Variants in MOG observed in about 807,000 individuals in gnomAD.
The protein encoded by MOG is myelin-oligodendrocyte glycoprotein.
A neutral mutation model predicts 35.9 loss-of-function variants in MOG; 20 were observed. That is an observed-to-expected ratio of 0.56 (90% CI 0.39 to 0.81). The LOEUF is 0.81. Among genes scored for constraint, MOG ranks in the 30% least tolerant of loss-of-function variants. The pLI is 0.00. For synonymous variants in MOG, 92 were observed against 114.3 expected, an observed-to-expected ratio of 0.80 and a Z score of 1.25; for missense variants, 251 against 301.0, an observed-to-expected ratio of 0.83 and a Z score of 1.23.
chr6:29,659,328 G>C lies in MOG; in HGVS notation c.98G>C (p.Arg33Thr). ...TTGGTGTCTTGGACAGGGCAGTTCA[G>C]AGTGATAGGACCAAGACACCCTATC... ...QVSSSYAGQFRVIGPRHPIRA... is the reference protein window; with the variant it reads ...QVSSSYAGQFTVIGPRHPIRA... Residue 33 changes from arginine (R) to threonine (T), a missense_variant, in exon 2 of 8, where the codon AGA becomes ACA. Arg to Thr is a moderately conservative substitution (Grantham distance 71, BLOSUM62 -1). Coordinates refer to ENST00000376917, the MANE Select transcript of MOG (RefSeq NM_206809.4). 1 of 1,612,954 alleles carries C rather than the reference G, an allele frequency of 6.2e-7. No individual in the cohort carries two copies. The highest frequency in any genetic ancestry group is 8.5e-7 in the Non-Finnish European group (1 of 1,180,018).
rs1771435101 is a variant in MOG, at chr6:29,671,440, T to G, written c.*255T>G. ...TCTCCAGTCTTCCACCTGGAAGCCC[T>G]CTCTGGCTAAGGACAGGCAGGTGCC... On this transcript the variant is annotated 3_prime_UTR_variant, in exon 8 of 8. Coordinates refer to ENST00000376917, the MANE Select transcript of MOG (RefSeq NM_206809.4). 1 of 1,607,876 alleles carries G rather than the reference T, an allele frequency of 6.2e-7. No individual in the cohort carries two copies. Among genetic ancestry groups the G allele is most frequent in the Admixed American group, 1.7e-5 (1 of 60,002 alleles).
chr6:29,662,184 A>T lies in MOG; in HGVS notation c.436+2518A>T, dbSNP rs2535257. The T allele has an allele frequency of 0.025, 24,886 of 984,716 alleles. 743 individuals carry two copies. The highest frequency in any genetic ancestry group is 0.14 in the African/African-American group (8,011 of 57,232). 61.0% of individuals were successfully genotyped at this position (984,716 alleles called of 1,614,324 possible). On this transcript the variant is annotated intron_variant, in intron 2 of 7. Transcript: ENST00000376917. This position sits in a 1 kb window ranked among gnomAD's most constrained non-coding sequence, Gnocchi z 4.2. ...TAATCCTTTCTTTAAATTCTTCATT[A>T]TGAAACATAAAAACAAATGCCAGGC...
chr6:29,659,116 G>C (rs1029818630), intron 1 of MOG, among the ~76,000 whole-genome samples: 10 of 152,044 alleles, frequency 6.6e-5, no homozygotes, highest in African/African-American at 2.4e-4. Flanking sequence ...GCGACAGAGA[G>C]TAAGACTGTC....
chr6:29,671,775 C>A lies in MOG; in HGVS notation c.*590C>A, dbSNP rs1771513800. 1 of 417,392 alleles carries A rather than the reference C, an allele frequency of 2.4e-6. No individual in the cohort carries two copies. Among genetic ancestry groups the A allele is most frequent in the African/African-American group, 2.0e-5 (1 of 50,860 alleles). The allele number at this position is 417,392 out of a possible 1,614,324, so 25.9% of individuals were successfully genotyped here. On this transcript the variant is annotated 3_prime_UTR_variant, in exon 8 of 8. Transcript: ENST00000376917. The stretch of plus-strand genomic sequence containing the variant: ...TAGCCAGAGCTCCTCCTTGTCTTGG[C>A]AGCCTACTAGGGACCTGGGGAAGCA...
chr6:29,670,677 A>G lies in MOG; in HGVS notation c.710-24A>G, dbSNP rs755594292. 6.8e-6 allele frequency: 11 copies of G among 1,611,790 alleles called. No homozygotes were observed. Among genetic ancestry groups the G allele is most frequent in the Non-Finnish European group, 1.7e-6 (2 of 1,179,454 alleles). On this transcript the variant is annotated intron_variant, in intron 6 of 7. Coordinates refer to ENST00000376917, the MANE Select transcript of MOG (RefSeq NM_206809.4). The surrounding 1 kb of genome is among the most constrained non-coding windows in gnomAD (Gnocchi z 4.2). Reference sequence around the variant, plus strand: ...GTGCTATTCATCTTCCACTAATCACATATTTGTTTCTTTTTGTTTTCAGGG... The same window carrying G: ...GTGCTATTCATCTTCCACTAATCACGTATTTGTTTCTTTTTGTTTTCAGGG...
rs1771106386 is a variant in MOG at position 29,670,010 on chromosome 6, C to T, written c.593-271C>T. 1 of 695,634 alleles carries T rather than the reference C, an allele frequency of 1.4e-6. No individual in the cohort carries two copies. Among genetic ancestry groups the T allele is most frequent in the South Asian group, 1.6e-5 (1 of 62,616 alleles). The allele number at this position is 695,634 out of a possible 1,614,324, so 43.1% of individuals were successfully genotyped here. A position where few individuals can be genotyped will look rare whatever the true frequency, so the allele number is the denominator to read the frequency against. On this transcript the variant is annotated intron_variant, in intron 5 of 7. Transcript: ENST00000376917. This position sits in a 1 kb window ranked among gnomAD's most constrained non-coding sequence, Gnocchi z 4.2. ...GGTCTTGAACTCTTGGCCTCATGAT[C>T]CACCCGTCTCGGACTCCCAGAGTGT...
rs1417363422 is a variant in MOG, at chr6:29,671,207, G to A, written c.*22G>A. 6.2e-7 allele frequency: 1 copy of A among 1,612,706 alleles called. No individual in the cohort carries two copies. The highest frequency in any genetic ancestry group is 1.3e-5 in the African/African-American group (1 of 74,922). ...CTGAGTGATGTCACATCTTGGCAGG[G>A]GTGGAGGAGAGCCTGGTTGCCCAGG... On this transcript the variant is annotated 3_prime_UTR_variant, in exon 8 of 8. Transcript: ENST00000376917.
intron 2 of MOG, among the ~76,000 whole-genome samples, chr6:29,665,271 T>G (rs1769956568): frequency 6.6e-6 from 1 of 151,876 alleles, no homozygotes; most frequent in African/African-American, 2.4e-5. Context: ...TAATTTTGTA[T>G]TTTTAGTAGA....
chr6:29,668,019 G>T (rs1200060145), intron 5 of MOG, 95 bp downstream of exon 5: 5 of 1,135,268 alleles, frequency 4.4e-6, no homozygotes, highest in Non-Finnish European at 1.3e-6. Context: ...GCTCCTGGTT[G>T]AGTCCCTTCC....
At chr6:29,665,161 A>C (rs887760837) in intron 2 of MOG, among the ~76,000 whole-genome samples, 1 of 151,172 alleles carries the variant, frequency 6.6e-6, no homozygotes, top group African/African-American at 2.4e-5. Context: ...CAATGGCAAG[A>C]TCTCGGCTCA....
intron 1 of MOG, among the ~76,000 whole-genome samples, chr6:29,657,930 C>A (rs1474350388): frequency 6.6e-6 from 1 of 152,166 alleles, no homozygotes; most frequent in African/African-American, 2.4e-5. Flanking sequence ...CAGGCATGAG[C>A]CATTGCGTCT....
intron 4 of MOG, 29 bp downstream of exon 4, chr6:29,667,692 T>C (rs1254014284): frequency 1.9e-6 from 3 of 1,613,852 alleles, no homozygotes; most frequent in Admixed American, 1.7e-5. Flanking sequence ...TTCTCCCAAT[T>C]CTTGCCTTTT....
Position 29,670,612 on chromosome 6 carries a change from G to A in MOG, c.710-89G>A, listed in dbSNP as rs1362282779. The A allele has an allele frequency of 6.3e-7, 1 of 1,590,468 alleles. No individual in the cohort carries two copies. The highest frequency in any genetic ancestry group is 1.8e-5 in the Admixed American group (1 of 55,578). On this transcript the variant is annotated intron_variant, in intron 6 of 7. Transcript: ENST00000376917. This position sits in a 1 kb window ranked among gnomAD's most constrained non-coding sequence, Gnocchi z 4.2. ...GGGATCCCCCAGTGGAAAGGGCAGTGTGGGTCACTCCAAATGTCCATAGGG... is the reference window on the plus strand; with the variant it reads ...GGGATCCCCCAGTGGAAAGGGCAGTATGGGTCACTCCAAATGTCCATAGGG...
chr6:29,670,595 C>T lies in MOG; in HGVS notation c.710-106C>T. Reference sequence around the variant, plus strand: ...CCACTTACTGGATCTGTGGGATCCCCCAGTGGAAAGGGCAGTGTGGGTCAC... The same window carrying T: ...CCACTTACTGGATCTGTGGGATCCCTCAGTGGAAAGGGCAGTGTGGGTCAC... On this transcript the variant is annotated intron_variant, in intron 6 of 7. Transcript: ENST00000376917. This position sits in a 1 kb window ranked among gnomAD's most constrained non-coding sequence, Gnocchi z 4.2. 1.9e-6 allele frequency: 3 copies of T among 1,582,426 alleles called. No homozygotes were observed. Among genetic ancestry groups the T allele is most frequent in the Non-Finnish European group, 2.6e-6 (3 of 1,163,144 alleles).
chr6:29,660,677 A>G (rs1186425606), intron 2 of MOG, among the ~76,000 whole-genome samples: 2 of 150,248 alleles, frequency 1.3e-5, no homozygotes, highest in East Asian at 2.0e-4. Context: ...CTGTACCTCC[A>G]CTATTTCATT....
At position 29,670,695 on chromosome 6, in the gene MOG, T is replaced by A; in HGVS notation, c.710-6T>A. The A allele has an allele frequency of 6.2e-7, 1 of 1,612,556 alleles. No individual in the cohort carries two copies. The highest frequency in any genetic ancestry group is 8.5e-7 in the Non-Finnish European group (1 of 1,179,788). ...TAATCACATATTTGTTTCTTTTTGT[T>A]TTCAGGGCAATTCCTTGAAGAGCTA... On this transcript the variant is annotated splice_region_variant and splice_polypyrimidine_tract_variant and intron_variant, in intron 6 of 7. Coordinates refer to ENST00000376917, the MANE Select transcript of MOG (RefSeq NM_206809.4). This position sits in a 1 kb window ranked among gnomAD's most constrained non-coding sequence, Gnocchi z 4.2.
chr6:29,669,436 G>A (rs554495427), intron 5 of MOG, among the ~76,000 whole-genome samples: 96 of 150,542 alleles, frequency 6.4e-4, no homozygotes, highest in South Asian at 1.7e-3. Flanking sequence ...AACTACAGGC[G>A]CATGCCACCA....
At chr6:29,666,085 C>A (rs1047759172) in intron 2 of MOG, 67 bp from the exon 3 acceptor site, 2 of 989,694 alleles carry the variant, frequency 2.0e-6, no homozygotes, top group Middle Eastern at 4.1e-4. Context: ...TTATTGGGCC[C>A]CAGACACCAT....
Position 29,670,573 on chromosome 6 carries a change from C to G in MOG, c.710-128C>G. The G allele has an allele frequency of 1.3e-6, 2 of 1,567,634 alleles. No individual in the cohort carries two copies. The highest frequency in any genetic ancestry group is 1.7e-6 in the Non-Finnish European group (2 of 1,151,154). ...TTCTGAGAAACTGTGAAGAGAACCA[C>G]TTACTGGATCTGTGGGATCCCCCAG... On this transcript the variant is annotated intron_variant, in intron 6 of 7. Coordinates refer to ENST00000376917, the MANE Select transcript of MOG (RefSeq NM_206809.4). The surrounding 1 kb of genome is among the most constrained non-coding windows in gnomAD (Gnocchi z 4.2).
Sources: gnomAD v4.1 joint callset for allele counts (sites outside exome capture counted in the v4.1 genomes callset) on GRCh38, gnomAD v4.1.1 for gene constraint, Gnocchi (gnomAD v3.1) non-coding constraint, MANE v1.5 for transcripts, NCBI Gene and HGNC (gene_info 2026-07-23, HGNC 2026-07-21) for gene names.